Variants in PLXNB2 observed in about 807,000 individuals in gnomAD.
PLXNB2 encodes plexin-B2.
Under a neutral mutation model 202.6 loss-of-function variants are expected in PLXNB2, and 85 were observed. The ratio of observed to expected loss-of-function variants is 0.42; its 90% CI spans 0.35 to 0.50. The LOEUF is 0.50. Ranked by LOEUF, PLXNB2 falls within the 20% of genes least tolerant of loss-of-function variation. PLXNB2 has a pLI of 0.02. For synonymous variants in PLXNB2, 1,239 were observed against 1,137.6 expected (o/e 1.09, Z -1.79); for missense variants, 2,063 against 2,586.2 (o/e 0.80, Z 4.39).
rs1348294992 is a variant in PLXNB2, at chr22:50,289,026, C to A, written c.1185G>T (p.Val395=). 1.2e-6 allele frequency: 2 copies of A among 1,610,244 alleles called. No individual in the cohort carries two copies. Among genetic ancestry groups the A allele is most frequent in the Admixed American group, 1.7e-5 (1 of 59,968 alleles). ...LQRGGLNLTA[V]TVAAENNHTV... is the part of the protein sequence containing the mutation. The stretch of plus-strand genomic sequence containing the variant: ...TGTGGTTGTTCTCGGCGGCGACCGT[C>A]ACGGCCGTGAGGTTCAGGCCTCCAC... Residue 395 remains valine (V), a synonymous_variant, in exon 4 of 37, where the codon GTG becomes GTT. Coordinates refer to ENST00000359337, the MANE Select transcript of PLXNB2 (RefSeq NM_012401.4). This position sits in a 1 kb window ranked among gnomAD's most constrained non-coding sequence, Gnocchi z 8.0.
intron 1 of PLXNB2, among the ~76,000 whole-genome samples, chr22:50,304,589 G>A (rs946712377): frequency 1.3e-5 from 2 of 152,082 alleles, no homozygotes; most frequent in Admixed American, 6.5e-5. Flanking sequence ...GAAGGTGGAG[G>A]AACCTCGACC....
intron 21 of PLXNB2, 26 bp downstream of exon 21, chr22:50,281,540 C>G: frequency 6.2e-7 from 1 of 1,606,268 alleles, no homozygotes. Context: ...CGTGGGGGCA[C>G]CCCCCGCCAG....
chr22:50,279,523 G>A, intron 27 of PLXNB2, 107 bp downstream of exon 27: 2 of 1,073,706 alleles, frequency 1.9e-6, no homozygotes. Context: ...ATCCACAGAG[G>A]AGGTGGACGG....
At chr22:50,287,304 G>T in intron 7 of PLXNB2, 40 bp from the exon 8 acceptor site, 1 of 1,455,392 alleles carries the variant, frequency 6.9e-7, no homozygotes, top group Non-Finnish European at 9.1e-7. Context: ...GGAACCCCGA[G>T]TCCTGTCAGC....
Position 50,289,220 on chromosome 22 carries a change from G to A in PLXNB2, c.1069-78C>T. ...TCTCCACTCGCGCTCCAAGACTCGGGACAGGCCCTTCCCTTCCCTCCGGCA... is the reference window on the plus strand; with the variant it reads ...TCTCCACTCGCGCTCCAAGACTCGGAACAGGCCCTTCCCTTCCCTCCGGCA... On this transcript the variant is annotated intron_variant, in intron 3 of 36. Coordinates refer to ENST00000359337, the MANE Select transcript of PLXNB2 (RefSeq NM_012401.4). The surrounding 1 kb of genome is among the most constrained non-coding windows in gnomAD (Gnocchi z 8.0). 1 of 1,303,052 alleles carries A rather than the reference G, an allele frequency of 7.7e-7. No homozygotes were observed. Among genetic ancestry groups the A allele is most frequent in the Non-Finnish European group, 1.0e-6 (1 of 969,342 alleles). 80.7% of individuals were successfully genotyped at this position (1,303,052 alleles called of 1,614,324 possible).
chr22:50,282,546 G>T, intron 18 of PLXNB2, 165 bp downstream of exon 18: 1 of 681,158 alleles, frequency 1.5e-6, no homozygotes, highest in East Asian at 2.7e-5. Context: ...TGCCCATCTG[G>T]GTTTCTAGGA....
intron 21 of PLXNB2, 29 bp downstream of exon 21, chr22:50,281,537 G>T: frequency 6.2e-7 from 1 of 1,600,594 alleles, no homozygotes. Flanking sequence ...TCCCGTGGGG[G>T]CACCCCCCGC....
chr22:50,277,927 G>C lies in PLXNB2; in HGVS notation c.4974C>G (p.Phe1658Leu), dbSNP rs774549808. The C allele has an allele frequency of 1.9e-6, 3 of 1,613,030 alleles. No homozygotes were observed. The highest frequency in any genetic ancestry group is 1.3e-5 in the African/African-American group (1 of 74,944). Reference sequence around the variant, plus strand: ...TCTCTGCCTGCTCGTCCAGGAAGTCGAAGAAGTACTTGACTGCAGGTGGCA... The same window carrying C: ...TCTCTGCCTGCTCGTCCAGGAAGTCCAAGAAGTACTTGACTGCAGGTGGCA... ...HAVPPAVKYFFDFLDEQAEKH... is the reference protein window; with the variant it reads ...HAVPPAVKYFLDFLDEQAEKH... The change falls in exon 32 of 37, where the codon TTC becomes TTG. Residue 1658 changes from phenylalanine to leucine, a missense_variant. Around this residue, in one of 2 missense-constraint regions of PLXNB2, gnomAD observed 760 missense variants for 1,109.4 expected, o/e 0.69. Coordinates refer to ENST00000359337, the MANE Select transcript of PLXNB2 (RefSeq NM_012401.4).
Position 50,289,658 on chromosome 22 carries a change from C to T in PLXNB2, c.927G>A (p.Ala309=), listed in dbSNP as rs746911327. Reference sequence around the variant, plus strand: ...TGTCCAGCGGGAACAGGCAGAGGCCCGCACCGGGCCCCCCACTGCTCCGGC... The same window carrying T: ...TGTCCAGCGGGAACAGGCAGAGGCCTGCACCGGGCCCCCCACTGCTCCGGC... ...RDSRSSGGPG[A]GLCLFPLDKV... The change falls in exon 3 of 37, where the codon GCG becomes GCA. Residue 309 remains alanine, a synonymous_variant. Coordinates refer to ENST00000359337, the MANE Select transcript of PLXNB2 (RefSeq NM_012401.4). The surrounding 1 kb of genome is among the most constrained non-coding windows in gnomAD (Gnocchi z 8.0). 454 of 1,609,506 alleles carry T rather than the reference C, an allele frequency of 2.8e-4. No homozygotes were observed. The highest frequency in any genetic ancestry group is 3.5e-4 in the Non-Finnish European group (418 of 1,179,780).
In PLXNB2 at chr22:50,286,302, G is replaced by A. The variant is rs183184653; in HGVS notation, c.1763-15C>T. 3 of 1,590,968 alleles carry A rather than the reference G, an allele frequency of 1.9e-6. No homozygotes were observed. Among genetic ancestry groups the A allele is most frequent in the African/African-American group, 1.3e-5 (1 of 74,514 alleles). ...GGCCACGTGGTCTGCAGACAGCAGA[G>A]GGGGAGGTGTCAAGGTGGCGGCCGC... On this transcript the variant is annotated splice_polypyrimidine_tract_variant and intron_variant, in intron 8 of 36. Transcript: ENST00000359337.
At chr22:50,296,262 G>A (rs115625517) in intron 1 of PLXNB2, among the ~76,000 whole-genome samples, 164 of 144,618 alleles carry the variant, frequency 1.1e-3, no homozygotes, top group African/African-American at 4.1e-3. Flanking sequence ...GAACTAGACC[G>A]TGAACTGGCC....
chr22:50,278,079 G>A, intron 31 of PLXNB2, 38 bp downstream of exon 31: 3 of 1,603,614 alleles, frequency 1.9e-6, no homozygotes, highest in Non-Finnish European at 2.5e-6. Context: ...GTCTCAGCGT[G>A]GCGGCCTGGT....
At position 50,286,218 on chromosome 22, in the gene PLXNB2, G is replaced by A; in HGVS notation, c.1832C>T (p.Pro611Leu). Reference sequence around the variant, plus strand: ...CATGGCCTGGCGGCAGTCGTAGAAGGGGTACTGGTAGGACGTGAGGAAGAT... The same window carrying A: ...CATGGCCTGGCGGCAGTCGTAGAAGAGGTACTGGTAGGACGTGAGGAAGAT... ...GNIFLTSYQY[P>L]FYDCRQAMSL... is the part of the protein sequence containing the mutation. The change falls in exon 9 of 37, where the codon CCC becomes CTC. Residue 611 changes from proline to leucine, a missense_variant. Around this residue, in one of 2 missense-constraint regions of PLXNB2, gnomAD observed 1,303 missense variants for 1,476.8 expected, o/e 0.88. Coordinates refer to ENST00000359337, the MANE Select transcript of PLXNB2 (RefSeq NM_012401.4). 2.5e-6 allele frequency: 4 copies of A among 1,613,290 alleles called. No individual in the cohort carries two copies. The highest frequency in any genetic ancestry group is 1.1e-5 in the South Asian group (1 of 91,080).
chr22:50,292,925 T>C (rs2066988236), intron 2 of PLXNB2, among the ~76,000 whole-genome samples: 1 of 151,870 alleles, frequency 6.6e-6, no homozygotes, highest in East Asian at 1.9e-4. Flanking sequence ...ACTCCCTCCC[T>C]GCACTGGGGG....
rs745596583 is a variant in PLXNB2, at chr22:50,280,989, C to T, written c.3764-16G>A. On this transcript the variant is annotated splice_polypyrimidine_tract_variant and intron_variant, in intron 23 of 36. Transcript: ENST00000359337. ...ATCATCAGGTCTGGGGGGAGGCTGG[C>T]GTGAGACGTCCCTGGCCACGTGGGG... 41 of 1,610,038 alleles carry T rather than the reference C, an allele frequency of 2.5e-5. No homozygotes were observed. The highest frequency in any genetic ancestry group is 1.7e-4 in the Middle Eastern group (1 of 6,058).
rs771749734 is a variant in PLXNB2 at position 50,278,111 on chromosome 22, G to A, written c.4887+6C>T. 19 of 1,602,596 alleles carry A rather than the reference G, an allele frequency of 1.2e-5. No homozygotes were observed. Among genetic ancestry groups the A allele is most frequent in the Non-Finnish European group, 1.6e-5 (19 of 1,179,278 alleles). On this transcript the variant is annotated splice_donor_region_variant and intron_variant, in intron 31 of 36. Transcript: ENST00000359337. ...TGGTGCCGCCCACACACCCATGGGG[G>A]CCCACCTTGACTGAGAGCAGCCGCG...
At chr22:50,280,246 T>C (rs1418846905) in intron 25 of PLXNB2, among the ~76,000 whole-genome samples, 175 bp from the exon 26 acceptor site, 1 of 152,218 alleles carries the variant, frequency 6.6e-6, no homozygotes, top group Non-Finnish European at 1.5e-5. Context: ...GTGTGCCACC[T>C]TCCTTCTGTT....
chr22:50,306,612 G>GC (rs1253589880), intron 1 of PLXNB2, among the ~76,000 whole-genome samples: 1 of 152,080 alleles, frequency 6.6e-6, no homozygotes, highest in East Asian at 1.9e-4. Context: ...AGTGGGGAGG[G>GC]CGGGGGGGTC....
Position 50,294,849 on chromosome 22 carries a change from C to T in PLXNB2, c.-73-71G>A, listed in dbSNP as rs1028938382. The T allele has an allele frequency of 5.1e-6, 4 of 784,404 alleles. No individual in the cohort carries two copies. The African/African-American group carries it at 5.6e-5, about 11-fold the overall frequency. The allele number at this position is 784,404 out of a possible 1,614,324, so 48.6% of individuals were successfully genotyped here. On this transcript the variant is annotated intron_variant, in intron 1 of 36. Coordinates refer to ENST00000359337, the MANE Select transcript of PLXNB2 (RefSeq NM_012401.4). ...GCTGTGGAGCCCCCCACCTCTGTCC[C>T]ATGCTGGTGGGGCTTGGGGGAAGAA...
Sources: gnomAD v4.1 joint callset for allele counts (sites outside exome capture counted in the v4.1 genomes callset) on GRCh38, gnomAD v4.1.1 for gene constraint, gnomAD v4.1.1 regional missense constraint, Gnocchi (gnomAD v3.1) non-coding constraint, MANE v1.5 for transcripts, NCBI Gene and HGNC (gene_info 2026-07-23, HGNC 2026-07-21) for gene names.